The following TAOK3 variants were observed in gnomAD, a reference collection of about 807,000 sequenced individuals.
TAOK3 encodes serine/threonine-protein kinase TAO3.
A neutral mutation model predicts 120.4 loss-of-function variants in TAOK3; 40 were observed. The observed-to-expected ratio is 0.33, with a 90% CI of 0.26 to 0.43. TAOK3 has a LOEUF of 0.43. Among genes scored for constraint, TAOK3 ranks in the 20% least tolerant of loss-of-function variants. The probability of loss-of-function intolerance (pLI) is 1.00; values close to 1 mark genes in which losing one functional copy is unlikely to be tolerated. For missense variants in TAOK3, 821 were observed against 1,112.1 expected (o/e 0.74, Z 3.72); for synonymous variants, 355 against 387.5 (o/e 0.92, Z 0.99).
intron 1 of TAOK3, among the ~76,000 whole-genome samples, chr12:118,330,769 A>C (rs998827113): frequency 6.6e-6 from 1 of 152,066 alleles, no homozygotes; most frequent in Non-Finnish European, 1.5e-5. Flanking sequence ...GGACAAAAAA[A>C]AAAAAAGGTA....
At chr12:118,198,679 G>A (rs1027796639) in intron 13 of TAOK3, 5 of 253,404 alleles carry the variant, frequency 2.0e-5, no homozygotes, top group African/African-American at 6.7e-5. Flanking sequence ...GAGCCACCAC[G>A]CCCAGCCAAG....
At chr12:118,269,636 C>T (rs2140303736) in intron 1 of TAOK3, among the ~76,000 whole-genome samples, 1 of 152,236 alleles carries the variant, frequency 6.6e-6, no homozygotes, top group Middle Eastern at 3.4e-3. Flanking sequence ...TCCCAAAGTG[C>T]TGAGATTACA....
chr12:118,162,667 A>G (rs1009331242), intron 17 of TAOK3, among the ~76,000 whole-genome samples: 3 of 150,952 alleles, frequency 2.0e-5, no homozygotes, highest in African/African-American at 4.9e-5. Context: ...CATGTTGGGG[A>G]AAAAAAAACA....
In TAOK3 at chr12:118,259,971, T is replaced by C. The variant is rs544278027; in HGVS notation, c.-88-4316A>G. On this transcript the variant is annotated intron_variant, in intron 2 of 20. Transcript: ENST00000392533. ...AAAGGAATACAAACTATAGTACCTATAGCTCAAAAAGGGCTGTGAATAGTA... is the reference window on the plus strand; with the variant it reads ...AAAGGAATACAAACTATAGTACCTACAGCTCAAAAAGGGCTGTGAATAGTA... Among the ~76,000 whole-genome samples the C allele has an allele frequency of 7.6e-4, 116 of 152,226 alleles. 1 individual carries two copies. Among genetic ancestry groups the C allele is most frequent in the African/African-American group, 2.6e-3 (110 of 41,532 alleles).
intron 3 of TAOK3, among the ~76,000 whole-genome samples, chr12:118,253,758 A>AC (rs201711609): frequency 2.1e-4 from 3 of 14,354 alleles, no homozygotes; most frequent in Non-Finnish European, 3.3e-4. Context: ...AAACAAACAA[A>AC]AAAAAAAAAA....
intron 5 of TAOK3, among the ~76,000 whole-genome samples, chr12:118,240,134 C>A (rs78800786): frequency 6.6e-6 from 1 of 150,568 alleles, no homozygotes; most frequent in Non-Finnish European, 1.5e-5. Flanking sequence ...TTGCAATCTG[C>A]GGAGGCTTTC....
intron 16 of TAOK3, among the ~76,000 whole-genome samples, chr12:118,173,741 A>G (rs1385636007): frequency 6.6e-6 from 1 of 152,248 alleles, no homozygotes; most frequent in Non-Finnish European, 1.5e-5. Context: ...TTAAGATGTT[A>G]AACTGTGGTG....
intron 15 of TAOK3, among the ~76,000 whole-genome samples, chr12:118,179,897 C>T (rs1480919555): frequency 2.0e-5 from 3 of 150,184 alleles, no homozygotes; most frequent in Admixed American, 1.3e-4. Flanking sequence ...CCACCCACCT[C>T]AGCCTCCCAA....
At chr12:118,271,913 A>G (rs879578403) in intron 1 of TAOK3, among the ~76,000 whole-genome samples, 1 of 152,236 alleles carries the variant, frequency 6.6e-6, no homozygotes, top group Non-Finnish European at 1.5e-5. Flanking sequence ...CTGCAACCTC[A>G]GGTATTACAT....
chr12:118,270,757 C>G (rs1467494012), intron 1 of TAOK3, among the ~76,000 whole-genome samples: 1 of 150,890 alleles, frequency 6.6e-6, no homozygotes, highest in African/African-American at 2.5e-5. Context: ...TCACTGCAAG[C>G]TCCGCCTCCC....
intron 3 of TAOK3, among the ~76,000 whole-genome samples, chr12:118,250,666 A>T (rs2140099896): frequency 6.6e-6 from 1 of 152,350 alleles, no homozygotes; most frequent in Admixed American, 6.5e-5. Flanking sequence ...ATAGTGAGTT[A>T]ATATGCCCAG....
chr12:118,218,669 T>C (rs1032018084), intron 9 of TAOK3, among the ~76,000 whole-genome samples: 2 of 152,154 alleles, frequency 1.3e-5, no homozygotes, highest in African/African-American at 2.4e-5. Flanking sequence ...CCTTTTTTTT[T>C]CCTGAATATT....
chr12:118,370,780 C>T (rs1419799477), intron 1 of TAOK3, among the ~76,000 whole-genome samples: 10 of 152,086 alleles, frequency 6.6e-5, no homozygotes, highest in Admixed American at 6.5e-4. Flanking sequence ...AGGAGGCTGT[C>T]CCCCAACTCC....
intron 11 of TAOK3, 64 bp from the exon 12 acceptor site, chr12:118,201,527 G>T (rs1565940305): frequency 7.3e-7 from 1 of 1,373,964 alleles, no homozygotes. Flanking sequence ...GCAAGGTACA[G>T]ATATAAAAGG....
At chr12:118,340,664 A>G (rs1268187409) in intron 1 of TAOK3, among the ~76,000 whole-genome samples, 1 of 152,126 alleles carries the variant, frequency 6.6e-6, no homozygotes, top group Non-Finnish European at 1.5e-5. Flanking sequence ...TTTAACAGTT[A>G]TCAATTCATG....
chr12:118,198,311 A>C (rs1046688316), intron 13 of TAOK3: 2 of 149,622 alleles, frequency 1.3e-5, no homozygotes, highest in Non-Finnish European at 2.9e-5. Context: ...ATGTCACCTC[A>C]TCAGGTAGGC....
At chr12:118,215,404 C>T (rs1041802835) in intron 9 of TAOK3, among the ~76,000 whole-genome samples, 3 of 150,156 alleles carry the variant, frequency 2.0e-5, no homozygotes, top group East Asian at 2.0e-4. Context: ...CCCAGCTACT[C>T]GGGAGGCTGA....
chr12:118,330,667 C>T (rs941784698), intron 1 of TAOK3, among the ~76,000 whole-genome samples: 11 of 113,344 alleles, frequency 9.7e-5, no homozygotes, highest in Admixed American at 1.9e-4. Flanking sequence ...TGATAAAAAA[C>T]GAGAAGAAAA....
intron 1 of TAOK3, among the ~76,000 whole-genome samples, chr12:118,350,377 CT>C (rs34181041): frequency 0.062 from 9,399 of 152,190 alleles, 702 homozygotes; most frequent in African/African-American, 0.17. Flanking sequence ...GTATACACCC[CT>C]GTAAAGTCTA....
Sources: allele counts gnomAD v4.1 joint callset (sites outside exome capture counted in the v4.1 genomes callset), GRCh38; gene constraint gnomAD v4.1.1; transcripts MANE v1.5; gene names NCBI Gene and HGNC (gene_info 2026-07-23, HGNC 2026-07-21).